GALNT13: variants seen among roughly 807,000 people sequenced by gnomAD.
The protein encoded by GALNT13 is polypeptide N-acetylgalactosaminyltransferase 13.
GALNT13 carries 28 observed loss-of-function variants against 64.2 expected under a neutral mutation model. That is an observed-to-expected ratio of 0.44 (90% CI 0.32 to 0.60). The LOEUF is 0.60. Among genes scored for constraint, GALNT13 ranks in the 20% least tolerant of loss-of-function variants. The probability of loss-of-function intolerance (pLI) is 0.05; values close to 1 mark genes in which losing one functional copy is unlikely to be tolerated. For missense variants in GALNT13, 577 were observed against 669.8 expected, an observed-to-expected ratio of 0.86 and a Z score of 1.53; for synonymous variants, 214 against 224.6, an observed-to-expected ratio of 0.95 and a Z score of 0.42.
At chr2:154,160,361 TGCTTCTGAG>T (rs1368128968) in intron 4 of GALNT13, among the ~76,000 whole-genome samples, 1 of 152,146 alleles carries the variant, frequency 6.6e-6, no homozygotes, top group Non-Finnish European at 1.5e-5. Flanking sequence ...CGCAAGAACT[TGCTTCTGAG>T]GCTCTCTTAC....
chr2:153,082,794 ATAT>A, the GALNT13 span, among the ~76,000 whole-genome samples: 452 of 146,034 alleles, frequency 3.1e-3, 1 homozygote, highest in African/African-American at 0.011. Flanking sequence ...AATAAAATAT[ATAT>A]TATTTATTGA....
At chr2:154,398,828 T>C (rs1160826032) in intron 10 of GALNT13, among the ~76,000 whole-genome samples, 1 of 152,244 alleles carries the variant, frequency 6.6e-6, no homozygotes, top group Non-Finnish European at 1.5e-5. Flanking sequence ...GTTACACTTA[T>C]TATATCTACC....
chr2:153,214,933 A>G, the GALNT13 span, among the ~76,000 whole-genome samples: 1 of 152,070 alleles, frequency 6.6e-6, no homozygotes, highest in East Asian at 1.9e-4. Context: ...AGTATCCACC[A>G]ACAAAACTAA....
the GALNT13 span, among the ~76,000 whole-genome samples, chr2:153,536,042 A>G: frequency 6.6e-6 from 1 of 152,188 alleles, no homozygotes; most frequent in African/African-American, 2.4e-5. Flanking sequence ...TTTGCCAGCA[A>G]GTTAGGCCCC....
At chr2:153,617,968 T>A in the GALNT13 span, among the ~76,000 whole-genome samples, 1 of 151,746 alleles carries the variant, frequency 6.6e-6, no homozygotes, top group Non-Finnish European at 1.5e-5. Flanking sequence ...TTTACATTTT[T>A]AAAAAACAAC....
chr2:154,255,464 A>G (rs920834561), intron 7 of GALNT13, among the ~76,000 whole-genome samples: 2 of 152,152 alleles, frequency 1.3e-5, no homozygotes, highest in African/African-American at 4.8e-5. Context: ...TTGTAAGCTC[A>G]AGGGAACAAT....
chr2:154,017,351 T>C (rs1697076752), intron 3 of GALNT13, among the ~76,000 whole-genome samples: 1 of 152,198 alleles, frequency 6.6e-6, no homozygotes, highest in African/African-American at 2.4e-5. Flanking sequence ...GAATGGGCAG[T>C]ACTAGCTTTG....
the GALNT13 span, among the ~76,000 whole-genome samples, chr2:153,862,543 C>A: frequency 6.6e-6 from 1 of 152,074 alleles, no homozygotes; most frequent in Admixed American, 6.5e-5. Context: ...AATAGTGTTA[C>A]ATATTCCACC....
chr2:153,144,610 A>G, the GALNT13 span, among the ~76,000 whole-genome samples: 1 of 151,944 alleles, frequency 6.6e-6, no homozygotes, highest in South Asian at 2.1e-4. Flanking sequence ...GTTCTCAGGA[A>G]GTGACTGGCA....
At chr2:153,371,099 G>A in the GALNT13 span, 3,368 of 182,522 alleles carry the variant, frequency 0.018, 120 homozygotes, top group African/African-American at 0.073. Flanking sequence ...CTAAATATAC[G>A]GTTTTCACCA....
At chr2:153,811,620 A>G in the GALNT13 span, among the ~76,000 whole-genome samples, 2 of 152,224 alleles carry the variant, frequency 1.3e-5, no homozygotes, top group African/African-American at 4.8e-5. Context: ...GGGACTTGCA[A>G]CATAGAGTGG....
At chr2:153,766,017 A>T in the GALNT13 span, among the ~76,000 whole-genome samples, 2 of 152,068 alleles carry the variant, frequency 1.3e-5, no homozygotes, top group African/African-American at 4.8e-5. Context: ...AAATTATCCA[A>T]TCTCAGTTAT....
chr2:153,672,718 T>G, the GALNT13 span, among the ~76,000 whole-genome samples: 4 of 148,968 alleles, frequency 2.7e-5, no homozygotes, highest in Non-Finnish European at 4.4e-5. Flanking sequence ...AGAACTGAAG[T>G]GGTGGATAGA....
At chr2:153,713,426 T>C in the GALNT13 span, among the ~76,000 whole-genome samples, 2 of 152,156 alleles carry the variant, frequency 1.3e-5, no homozygotes, top group African/African-American at 2.4e-5. Flanking sequence ...ATTATGATTT[T>C]GTTGAAGTCA....
chr2:154,448,505 TGAGTC>T (rs1701710590), intron 12 of GALNT13, among the ~76,000 whole-genome samples: 1 of 152,054 alleles, frequency 6.6e-6, no homozygotes, highest in African/African-American at 2.4e-5. Flanking sequence ...GGAATTTACC[TGAGTC>T]TAAAAGGTCT....
intron 2 of GALNT13, among the ~76,000 whole-genome samples, chr2:153,927,901 G>A (rs1444542520): frequency 6.6e-6 from 1 of 152,056 alleles, no homozygotes; most frequent in Non-Finnish European, 1.5e-5. Context: ...TAAGAAAAGA[G>A]TGCATTTATT....
At chr2:153,188,335 G>A in the GALNT13 span, among the ~76,000 whole-genome samples, 26 of 148,022 alleles carry the variant, frequency 1.8e-4, no homozygotes, top group Middle Eastern at 3.6e-3. Context: ...TCTATTCACC[G>A]CAATAAGTAC....
chr2:153,632,390 T>C, the GALNT13 span, among the ~76,000 whole-genome samples: 1 of 152,188 alleles, frequency 6.6e-6, no homozygotes, highest in African/African-American at 2.4e-5. Flanking sequence ...GTCTATAGTT[T>C]ACATTCCTTT....
chr2:153,643,580 A>G, the GALNT13 span, among the ~76,000 whole-genome samples: 11 of 151,964 alleles, frequency 7.2e-5, no homozygotes, highest in South Asian at 1.9e-3. Flanking sequence ...CAAAATTTCC[A>G]TACTATAAAA....
Sources: gnomAD v4.1 joint callset for allele counts (sites outside exome capture counted in the v4.1 genomes callset) on GRCh38, gnomAD v4.1.1 for gene constraint, MANE v1.5 for transcripts, NCBI Gene and HGNC (gene_info 2026-07-23, HGNC 2026-07-21) for gene names.